The following DMD variants were observed in gnomAD, a reference collection of about 807,000 sequenced individuals.
DMD encodes mutant dystrophin.
DMD carries 63 observed loss-of-function variants against 330.1 expected under a neutral mutation model. The observed-to-expected ratio is 0.19, with a 90% CI of 0.16 to 0.24. The LOEUF is 0.24. DMD is among the 10% of genes least tolerant of loss of function. The pLI, the probability that DMD is intolerant of heterozygous loss-of-function variation, is 1.00. For synonymous variants in DMD, 1,223 were observed against 959.8 expected (o/e 1.27, Z -5.07); for missense variants, 3,344 against 2,684.1 (o/e 1.25, Z -5.43).
At chrX:32,943,809 A>T (rs1481624682) in intron 2 of DMD, among the ~76,000 whole-genome samples, 1 of 111,881 alleles carries the variant, frequency 8.9e-6, no homozygotes, top group Non-Finnish European at 1.9e-5. Flanking sequence ...AGTTATTTTT[A>T]TTTTCATTAT....
chrX:32,561,020 A>G (rs1292828368), intron 16 of DMD, among the ~76,000 whole-genome samples: 1 of 111,759 alleles, frequency 8.9e-6, no homozygotes, highest in Admixed American at 9.5e-5. Flanking sequence ...GTCTTCCACA[A>G]TGGATAAACT....
chrX:32,211,555 T>G (rs2097093702), intron 44 of DMD, among the ~76,000 whole-genome samples: 1 of 111,863 alleles, frequency 8.9e-6, no homozygotes. Flanking sequence ...AAGACTATAT[T>G]TTTTCCCTAA....
At chrX:31,518,269 G>A (rs2072433270) in intron 55 of DMD, among the ~76,000 whole-genome samples, 1 of 111,797 alleles carries the variant, frequency 8.9e-6, no homozygotes, top group Non-Finnish European at 1.9e-5. Context: ...GGTGTTGAAA[G>A]AGAAAACGAG....
intron 2 of DMD, among the ~76,000 whole-genome samples, chrX:32,969,591 GTTTA>G (rs1461096715): frequency 6.4e-5 from 6 of 93,862 alleles, no homozygotes; most frequent in Non-Finnish European, 8.1e-5. Flanking sequence ...ACGCATATTT[GTTTA>G]TTTATTATGT....
At chrX:32,118,807 C>A (rs865793296) in intron 44 of DMD, among the ~76,000 whole-genome samples, 17 of 110,097 alleles carry the variant, frequency 1.5e-4, no homozygotes, top group African/African-American at 5.3e-4. Context: ...GCGTGGGAGG[C>A]GATGGTTTGG....
intron 11 of DMD, among the ~76,000 whole-genome samples, chrX:32,642,370 A>C (rs1336921634): frequency 8.9e-6 from 1 of 112,190 alleles, no homozygotes; most frequent in African/African-American, 3.2e-5. Context: ...CTTCTTAATA[A>C]TTATTCTAAA....
intron 1 of DMD, among the ~76,000 whole-genome samples, chrX:33,124,814 C>T (rs1220370449): frequency 1.8e-5 from 2 of 109,528 alleles, no homozygotes; most frequent in Non-Finnish European, 3.8e-5. Flanking sequence ...CACCTGAGGT[C>T]AGGAGTTCGA....
chrX:32,219,242 C>T (rs2097124151), intron 43 of DMD, among the ~76,000 whole-genome samples: 1 of 111,894 alleles, frequency 8.9e-6, no homozygotes, highest in Non-Finnish European at 1.9e-5. Flanking sequence ...AATAATTTAG[C>T]ATTCATATAT....
chrX:32,156,618 A>C (rs941485379), intron 44 of DMD, among the ~76,000 whole-genome samples: 1 of 97,992 alleles, frequency 1.0e-5, no homozygotes, highest in African/African-American at 4.0e-5. Context: ...TATACTTTTG[A>C]ATGACAAAAG....
intron 30 of DMD, among the ~76,000 whole-genome samples, chrX:32,397,186 T>C (rs1439795071): frequency 9.0e-6 from 1 of 111,678 alleles, no homozygotes; most frequent in Non-Finnish European, 1.9e-5. Context: ...TAAGTTGTCC[T>C]AAAGATGTGA....
chrX:32,786,086 A>AGTGAGTGTGTGT (rs1557029346), intron 7 of DMD, among the ~76,000 whole-genome samples: 1 of 96,548 alleles, frequency 1.0e-5, no homozygotes, highest in African/African-American at 3.9e-5. Context: ...GAGGAATAAG[A>AGTGAGTGTGTGT]GTGTGTGTGT....
intron 44 of DMD, among the ~76,000 whole-genome samples, chrX:32,025,043 ATG>A (rs771671326): frequency 1.3e-4 from 14 of 111,392 alleles, no homozygotes; most frequent in Admixed American, 3.8e-4. Flanking sequence ...TCAAGTCCTC[ATG>A]TGTGTGTTTC....
chrX:33,139,890 A>T (rs905958266), intron 1 of DMD, among the ~76,000 whole-genome samples: 42 of 109,998 alleles, frequency 3.8e-4, no homozygotes, highest in South Asian at 1.9e-3. Context: ...AAAAAAAAAA[A>T]AAAAAATGTC....
intron 1 of DMD, among the ~76,000 whole-genome samples, chrX:33,250,232 G>C (rs2052751708): frequency 9.4e-6 from 1 of 106,540 alleles, no homozygotes; most frequent in Non-Finnish European, 1.9e-5. Context: ...CAGGGGTTTG[G>C]GGGAGGTGAA....
intron 62 of DMD, among the ~76,000 whole-genome samples, chrX:31,291,418 G>A (rs1430407331): frequency 8.9e-6 from 1 of 111,785 alleles, no homozygotes; most frequent in African/African-American, 3.3e-5. Context: ...GTATTCTATA[G>A]TCCCTACCAG....
intron 61 of DMD, among the ~76,000 whole-genome samples, chrX:31,327,084 C>T (rs1432371100): frequency 8.9e-6 from 1 of 112,161 alleles, no homozygotes; most frequent in African/African-American, 3.2e-5. Context: ...TACAGATGTG[C>T]TTATAACCAC....
intron 44 of DMD, among the ~76,000 whole-genome samples, chrX:32,095,146 A>G (rs1261821309): frequency 8.9e-6 from 1 of 111,749 alleles, no homozygotes; most frequent in East Asian, 2.8e-4. Context: ...AAACAGGCCC[A>G]GAGTCGTTGC....
At chrX:32,707,765 TG>T (rs1166824149) in intron 7 of DMD, among the ~76,000 whole-genome samples, 2 of 111,778 alleles carry the variant, frequency 1.8e-5, no homozygotes, top group African/African-American at 6.5e-5. Context: ...GACACTAACT[TG>T]ACATAACAAA....
chrX:33,074,356 C>T (rs185448620), intron 1 of DMD, among the ~76,000 whole-genome samples: 96 of 111,452 alleles, frequency 8.6e-4, no homozygotes, highest in African/African-American at 2.9e-3. Flanking sequence ...GCAAATCGTT[C>T]ATTGCTCAAT....
Sources: gnomAD v4.1 joint callset for allele counts (sites outside exome capture counted in the v4.1 genomes callset) on GRCh38, gnomAD v4.1.1 for gene constraint, MANE v1.5 for transcripts, NCBI Gene and HGNC (gene_info 2026-07-23, HGNC 2026-07-21) for gene names.